TEX14: variants seen among roughly 807,000 people sequenced by gnomAD.
The protein encoded by TEX14 is testis expressed 14, intercellular bridge forming factor, also known as inactive serine/threonine-protein kinase TEX14.
A neutral mutation model predicts 178.6 loss-of-function variants in TEX14; 168 were observed. The ratio of observed to expected loss-of-function variants is 0.94; its 90% confidence interval spans 0.83 to 1.07. The LOEUF (loss-of-function observed/expected upper bound fraction) is 1.07, where lower values mean the gene tolerates loss of function less well. Among genes scored for constraint, TEX14 ranks in the 50% least tolerant of loss-of-function variants. The probability of loss-of-function intolerance (pLI) is 0.00; values close to 1 mark genes in which losing one functional copy is unlikely to be tolerated. For synonymous variants in TEX14, 626 were observed against 634.1 expected, an observed-to-expected ratio of 0.99 and a Z score of 0.19; for missense variants, 1,730 against 1,753.6, an observed-to-expected ratio of 0.99 and a Z score of 0.24.
intron 15 of TEX14, among the ~76,000 whole-genome samples, chr17:58,590,020 T>A (rs748664784): frequency 2.6e-5 from 4 of 152,028 alleles, no homozygotes; most frequent in African/African-American, 4.8e-5. Context: ...CCCAGCACTT[T>A]GGGAGGCCAT....
At position 58,691,379 on chromosome 17, in the gene TEX14, G is replaced by T. The variant is rs1054478455; in HGVS notation, c.-2+560C>A. 2.6e-5 allele frequency among the ~76,000 whole-genome samples: 4 copies of T among 151,672 alleles called. No homozygotes were observed. The East Asian group carries it at 7.8e-4, about 30-fold the overall frequency. On this transcript the variant is annotated intron_variant, in intron 1 of 31. Coordinates refer to ENST00000349033, the MANE Select transcript of TEX14 (RefSeq NM_031272.5). ...AGAAAAGTCAAGACTAAGAATCATT[G>T]CCAACAGGGCCGGGCGCGGTGGCTC...
intron 27 of TEX14, 67 bp downstream of exon 27, chr17:58,565,680 G>T: frequency 1.7e-6 from 2 of 1,171,130 alleles, no homozygotes; most frequent in East Asian, 2.5e-5. Context: ...TTCCCTATAT[G>T]TACCACTGTG....
At chr17:58,664,619 A>C (rs925648701) in intron 1 of TEX14, among the ~76,000 whole-genome samples, 2 of 152,136 alleles carry the variant, frequency 1.3e-5, no homozygotes, top group African/African-American at 4.8e-5. Flanking sequence ...GGGAAAACAG[A>C]CTTGCCAGAC....
At position 58,569,265 on chromosome 17, in the gene TEX14, T is replaced by G. The variant is rs560790702; in HGVS notation, c.3818-5A>C. ...GATGCTGTGAGAAGGCTTCTACTAG[T>G]TTTTAAAAAAGACAAAAGGGAAAAT... On this transcript the variant is annotated splice_polypyrimidine_tract_variant and splice_region_variant and intron_variant, in intron 25 of 31. Transcript: ENST00000349033. This position sits in a 1 kb window ranked among gnomAD's most constrained non-coding sequence, Gnocchi z 4.1. 14 of 1,613,268 alleles carry G rather than the reference T, an allele frequency of 8.7e-6. No individual in the cohort carries two copies. In the East Asian group the frequency reaches 2.9e-4, roughly 33 times the overall value.
intron 2 of TEX14, among the ~76,000 whole-genome samples, chr17:58,633,538 G>T (rs1045317020): frequency 1.3e-5 from 2 of 152,186 alleles, no homozygotes; most frequent in Non-Finnish European, 2.9e-5. Context: ...ACCATCTTGA[G>T]GTAAGCTAGG....
At chr17:58,607,244 G>A (rs193256023) in intron 10 of TEX14, among the ~76,000 whole-genome samples, 4 of 152,228 alleles carry the variant, frequency 2.6e-5, no homozygotes, top group Admixed American at 2.6e-4. Context: ...ACCTGCAACG[G>A]CTTGCTGTCT....
intron 15 of TEX14, among the ~76,000 whole-genome samples, chr17:58,592,912 G>A (rs573026981): frequency 6.6e-6 from 1 of 152,030 alleles, no homozygotes; most frequent in Non-Finnish European, 1.5e-5. Flanking sequence ...GTATACACAT[G>A]CACGAATATA....
intron 4 of TEX14, 30 bp from the exon 5 acceptor site, chr17:58,621,816 G>T: frequency 5.0e-6 from 8 of 1,596,296 alleles, no homozygotes; most frequent in Non-Finnish European, 6.8e-6. Context: ...TGCCCAGTGC[G>T]GGCGCACCAG....
chr17:58,611,200 C>A lies in TEX14; in HGVS notation c.1145G>T (p.Gly382Val). The A allele has an allele frequency of 6.2e-7, 1 of 1,614,090 alleles. No homozygotes were observed. Among genetic ancestry groups the A allele is most frequent in the Non-Finnish European group, 8.5e-7 (1 of 1,179,976 alleles). Residue 382 changes from glycine (G) to valine (V), a missense_variant, in exon 10 of 32, where the codon GGT becomes GTT. Physicochemically the swap from Gly to Val is moderately radical, Grantham distance 109. Around this residue, in one of 2 missense-constraint regions of TEX14, gnomAD observed 789 missense variants for 681.2 expected, o/e 1.16. Transcript: ENST00000349033. ...CTCCAGGTTGGTCAGCCTCGCTTCA[C>A]CTGGGGAGATGATATGGACAGCATA... is the stretch of plus-strand genomic sequence containing the variant. ...SSYAVHIISP[G>V]EARLTNLEYM...
chr17:58,668,440 C>A (rs1418051414), intron 1 of TEX14, among the ~76,000 whole-genome samples: 1 of 152,224 alleles, frequency 6.6e-6, no homozygotes, highest in Non-Finnish European at 1.5e-5. Flanking sequence ...GAGGAAGTAA[C>A]TGGAGCCTGG....
intron 15 of TEX14, among the ~76,000 whole-genome samples, chr17:58,590,197 G>T (rs949130605): frequency 1.5e-4 from 22 of 149,094 alleles, no homozygotes; most frequent in Non-Finnish European, 3.1e-4. Flanking sequence ...GGAGGCGGAG[G>T]TTGCAGTGAG....
At chr17:58,669,686 A>T (rs1310405657) in intron 1 of TEX14, among the ~76,000 whole-genome samples, 1 of 147,610 alleles carries the variant, frequency 6.8e-6, no homozygotes, top group African/African-American at 2.5e-5. Flanking sequence ...GGGAGCTGAG[A>T]TCACGCCACT....
chr17:58,641,488 T>TTTATTTA (rs2046575740), intron 2 of TEX14, among the ~76,000 whole-genome samples: 1 of 143,646 alleles, frequency 7.0e-6, no homozygotes, highest in African/African-American at 2.6e-5. Context: ...TTCTCTTTTA[T>TTTATTTA]TTATTATTAT....
At chr17:58,582,552 C>T (rs950476078) in intron 19 of TEX14, among the ~76,000 whole-genome samples, 5 of 151,400 alleles carry the variant, frequency 3.3e-5, no homozygotes, top group African/African-American at 9.7e-5. Flanking sequence ...CCACCACACC[C>T]GGCCTGCAAA....
chr17:58,599,031 A>T lies in TEX14; in HGVS notation c.2314T>A (p.Trp772Arg). Residue 772 changes from tryptophan (W) to arginine (R), a missense_variant, in exon 14 of 32, where the codon TGG (tryptophan) becomes AGG (arginine). By Grantham distance (101) the Trp-to-Arg change is moderately radical. This residue lies in a region of TEX14 where 941 missense variants were observed against 1,072.4 expected (regional missense o/e 0.88). Coordinates refer to ENST00000349033, the MANE Select transcript of TEX14 (RefSeq NM_031272.5). ...TTTGTAAACTCTCTTGAAGTGGCCC[A>T]TAAAGACATGCGCTCTTCCTGTTCC... is the stretch of plus-strand genomic sequence containing the variant. ...QKEQEERMSLWATSREFTNAY... is the reference protein window; with the variant it reads ...QKEQEERMSLRATSREFTNAY... The T allele has an allele frequency of 6.2e-7, 1 of 1,614,116 alleles. No homozygotes were observed. The highest frequency in any genetic ancestry group is 1.1e-5 in the South Asian group (1 of 91,074).
At chr17:58,631,694 T>G (rs8071081) in intron 2 of TEX14, 23,470 of 151,206 alleles carry the variant, frequency 0.16, 2,643 homozygotes, top group East Asian at 0.31. Context: ...CAAACAGCAG[T>G]TAGAATAACG....
intron 31 of TEX14, 54 bp downstream of exon 31, chr17:58,557,745 T>C (rs2044174561): frequency 7.0e-7 from 1 of 1,423,440 alleles, no homozygotes; most frequent in Admixed American, 1.9e-5. Context: ...TTAAGTCTGC[T>C]TCTGTTGTCT....
intron 3 of TEX14, among the ~76,000 whole-genome samples, chr17:58,630,142 C>T (rs1242861016): frequency 1.3e-5 from 2 of 151,638 alleles, no homozygotes; most frequent in Non-Finnish European, 2.9e-5. Context: ...CTGCAACCTC[C>T]ACCTCCCGGG....
chr17:58,621,079 C>T lies in TEX14; in HGVS notation c.554+571G>A, dbSNP rs1219703680. On this transcript the variant is annotated intron_variant, in intron 5 of 31. Transcript: ENST00000349033. ...TCTCTACATACAAACCCTAAGTCAA[C>T]CAATCCCAGAGAAGTTAAAATGACA... is the stretch of plus-strand genomic sequence containing the variant. Among the ~76,000 whole-genome samples, 4 of 152,134 alleles carry T rather than the reference C, an allele frequency of 2.6e-5. 1 individual carries two copies. Among genetic ancestry groups the T allele is most frequent in the Admixed American group, 1.3e-4 (2 of 15,264 alleles).
Sources: allele counts gnomAD v4.1 joint callset (sites outside exome capture counted in the v4.1 genomes callset), GRCh38; gene constraint gnomAD v4.1.1; regional missense constraint gnomAD v4.1.1; non-coding constraint Gnocchi (gnomAD v3.1); transcripts MANE v1.5; gene names NCBI Gene and HGNC (gene_info 2026-07-23, HGNC 2026-07-21).